DRGX: variants seen among roughly 807,000 people sequenced by gnomAD.
DRGX encodes dorsal root ganglia homeobox.
A neutral mutation model predicts 28.6 loss-of-function variants in DRGX; 21 were observed. That is an observed-to-expected ratio of 0.73 (90% CI 0.52 to 1.06). The LOEUF (loss-of-function observed/expected upper bound fraction) is 1.06. Ranked by LOEUF, DRGX falls within the 50% of genes least tolerant of loss-of-function variation. The pLI is 0.00. For missense variants in DRGX, 354 were observed against 343.9 expected (o/e 1.03, Z -0.23); for synonymous variants, 136 against 139.1 (o/e 0.98, Z 0.16).
intron 2 of DRGX, among the ~76,000 whole-genome samples, chr10:49,393,925 T>G (rs1849937367): frequency 6.6e-6 from 1 of 152,156 alleles, no homozygotes; most frequent in South Asian, 2.1e-4. Context: ...CAGACAGACA[T>G]TCATGACGTC....
intron 2 of DRGX, among the ~76,000 whole-genome samples, chr10:49,391,480 T>G (rs1487147620): frequency 6.6e-6 from 1 of 152,112 alleles, no homozygotes; most frequent in Non-Finnish European, 1.5e-5. Context: ...ATAGGGCGAG[T>G]GGTGACCTTA....
intron 4 of DRGX, among the ~76,000 whole-genome samples, chr10:49,389,865 G>C: frequency 6.7e-6 from 1 of 150,106 alleles, no homozygotes; most frequent in Non-Finnish European, 1.5e-5. Flanking sequence ...TCCAAAGCAA[G>C]GAAATGGATG....
chr10:49,388,649 A>G (rs541535470), intron 4 of DRGX, among the ~76,000 whole-genome samples: 1 of 152,358 alleles, frequency 6.6e-6, no homozygotes, highest in African/African-American at 2.4e-5. Context: ...TTTCATTATC[A>G]TATTTTAATG....
At chr10:49,390,406 C>T (rs937993774) in intron 3 of DRGX, among the ~76,000 whole-genome samples, 172 bp from the exon 4 acceptor site, 1 of 152,162 alleles carries the variant, frequency 6.6e-6, no homozygotes, top group African/African-American at 2.4e-5. Context: ...AGAATTTCAA[C>T]CGCGGATGAC....
intron 1 of DRGX, 50 bp from the exon 2 acceptor site, chr10:49,395,571 C>T (rs1849959080): frequency 4.3e-6 from 5 of 1,150,896 alleles, no homozygotes; most frequent in Non-Finnish European, 6.2e-6. Context: ...GCCAGCGCTC[C>T]CGCCCAGCCC....
At chr10:49,366,522 G>T in intron 6 of DRGX, 141 bp from the exon 7 acceptor site, 1 of 1,245,158 alleles carries the variant, frequency 8.0e-7, no homozygotes, top group South Asian at 1.6e-5. Context: ...AAGGACAAGT[G>T]CTCAGAACCT....
intron 4 of DRGX, 48 bp downstream of exon 4, chr10:49,390,083 GTT>G: frequency 6.5e-7 from 1 of 1,528,986 alleles, no homozygotes; most frequent in Non-Finnish European, 8.8e-7. Flanking sequence ...TCAAAAAAAA[GTT>G]TGCCAGTTTT....
intron 6 of DRGX, among the ~76,000 whole-genome samples, chr10:49,372,165 G>A (rs1350900866): frequency 6.6e-6 from 1 of 152,214 alleles, no homozygotes; most frequent in South Asian, 2.1e-4. Context: ...CACCAAGCCT[G>A]TGACTATTAG....
intron 6 of DRGX, among the ~76,000 whole-genome samples, chr10:49,377,455 G>A (rs947746788): frequency 5.9e-5 from 9 of 152,224 alleles, no homozygotes; most frequent in African/African-American, 1.4e-4. Context: ...CCCACGTGCA[G>A]TCCCCTCTGC....
chr10:49,385,996 C>T (rs905265562), intron 6 of DRGX, among the ~76,000 whole-genome samples: 1 of 152,148 alleles, frequency 6.6e-6, no homozygotes, highest in African/African-American at 2.4e-5. Context: ...TCAGATGAAA[C>T]AACAGCCACC....
chr10:49,395,662 C>A (rs1213244164), intron 1 of DRGX, 141 bp from the exon 2 acceptor site: 4 of 619,990 alleles, frequency 6.5e-6, no homozygotes, highest in Non-Finnish European at 1.1e-5. Context: ...GGGAAGGCGG[C>A]AGCCCCGTCG....
At chr10:49,391,109 G>T in intron 3 of DRGX, 55 bp downstream of exon 3, 1 of 1,558,858 alleles carries the variant, frequency 6.4e-7, no homozygotes, top group African/African-American at 1.4e-5. Flanking sequence ...GCTCAACTTT[G>T]ATTTGGGGGA....
At chr10:49,390,296 C>A in intron 3 of DRGX, 62 bp from the exon 4 acceptor site, 1 of 1,411,246 alleles carries the variant, frequency 7.1e-7, no homozygotes, top group Non-Finnish European at 9.7e-7. Flanking sequence ...GAAGCAGATG[C>A]ATATTTCAAA....
chr10:49,382,292 G>T (rs1259533185), intron 6 of DRGX, among the ~76,000 whole-genome samples: 1 of 152,146 alleles, frequency 6.6e-6, no homozygotes, highest in African/African-American at 2.4e-5. Context: ...GTGAGCAAGC[G>T]ACTTCCCCTC....
intron 6 of DRGX, among the ~76,000 whole-genome samples, chr10:49,372,839 C>T (rs146023423): frequency 6.6e-6 from 1 of 152,294 alleles, no homozygotes; most frequent in East Asian, 1.9e-4. Flanking sequence ...GTGAAATCTT[C>T]CCATCTGGCC....
At chr10:49,388,188 G>A (rs1052161078) in intron 4 of DRGX, among the ~76,000 whole-genome samples, 2 of 152,224 alleles carry the variant, frequency 1.3e-5, no homozygotes, top group African/African-American at 4.8e-5. Flanking sequence ...TGGAAGCTGG[G>A]CAGCCCAGAT....
chr10:49,382,727 C>T (rs969361293), intron 6 of DRGX, among the ~76,000 whole-genome samples: 2 of 152,186 alleles, frequency 1.3e-5, no homozygotes, highest in African/African-American at 4.8e-5. Context: ...AACACACCAG[C>T]CATTCTCCAG....
At position 49,364,951 on chromosome 10, in the gene DRGX, C is replaced by T. The variant is rs1251106576; in HGVS notation, c.*1165G>A. The T allele has an allele frequency of 6.6e-6, 1 of 152,206 alleles. No homozygotes were observed. Among genetic ancestry groups the T allele is most frequent in the Non-Finnish European group, 1.5e-5 (1 of 68,042 alleles). 9.4% of individuals were successfully genotyped at this position (152,206 alleles called of 1,614,324 possible). On this transcript the variant is annotated 3_prime_UTR_variant, in exon 7 of 7. Coordinates refer to ENST00000374139, the MANE Select transcript of DRGX (RefSeq NM_001276451.2). ...CTGCCAGAAAGCGGCAGAGCTTATGCTATTGCACGTTCCCCTTGGATCTCC... is the reference window on the plus strand; with the variant it reads ...CTGCCAGAAAGCGGCAGAGCTTATGTTATTGCACGTTCCCCTTGGATCTCC...
At chr10:49,392,318 T>C (rs1849915161) in intron 2 of DRGX, among the ~76,000 whole-genome samples, 1 of 152,216 alleles carries the variant, frequency 6.6e-6, no homozygotes, top group African/African-American at 2.4e-5. Flanking sequence ...TAAAATTCTG[T>C]CTACTAGAGG....
Sources: gnomAD v4.1 joint callset for allele counts (sites outside exome capture counted in the v4.1 genomes callset) on GRCh38, gnomAD v4.1.1 for gene constraint, MANE v1.5 for transcripts, NCBI Gene and HGNC (gene_info 2026-07-23, HGNC 2026-07-21) for gene names.